Variants in KIRREL3 observed in about 807,000 individuals in gnomAD.
The protein encoded by KIRREL3 is kin of IRRE-like protein 3.
Under a neutral mutation model 89.7 loss-of-function variants are expected in KIRREL3, and 36 were observed. That is an observed-to-expected ratio of 0.40 (90% CI 0.31 to 0.53). The LOEUF is 0.53. Ranked by LOEUF, KIRREL3 falls within the 20% of genes least tolerant of loss-of-function variation. The pLI, the probability that KIRREL3 is intolerant of heterozygous loss-of-function variation, is 0.49. For missense variants in KIRREL3, 864 were observed against 1,056.6 expected (o/e 0.82, Z 2.53); for synonymous variants, 445 against 441.4 (o/e 1.01, Z -0.10).
rs1198645721 is a variant in KIRREL3, at chr11:126,876,058, G to A, written c.55+124397C>T. 6.6e-6 allele frequency among the ~76,000 whole-genome samples: 1 copy of A among 152,198 alleles called. No homozygotes were observed. Among genetic ancestry groups the A allele is most frequent in the Non-Finnish European group, 1.5e-5 (1 of 68,032 alleles). On this transcript the variant is annotated intron_variant, in intron 1 of 16. Transcript: ENST00000525144. This position sits in a 1 kb window ranked among gnomAD's most constrained non-coding sequence, Gnocchi z 4.1. ...GGCTTTGGTGATGGGAGGGGCACAG[G>A]AGGGGTATTGGAGGTGACCTATTGT... is the stretch of plus-strand genomic sequence containing the variant.
At chr11:126,582,915 G>A (rs1941634647) in intron 1 of KIRREL3, among the ~76,000 whole-genome samples, 1 of 89,250 alleles carries the variant, frequency 1.1e-5, no homozygotes, top group Admixed American at 1.3e-4. Flanking sequence ...CTTAATATTG[G>A]TATGAGGGCT....
rs377498432 is a variant in KIRREL3 at position 126,501,779 on chromosome 11, G to C, written c.433+19536C>G. 6.6e-6 allele frequency among the ~76,000 whole-genome samples: 1 copy of C among 152,052 alleles called. No homozygotes were observed. The highest frequency in any genetic ancestry group is 1.5e-5 in the Non-Finnish European group (1 of 68,024). On this transcript the variant is annotated intron_variant, in intron 4 of 16. Transcript: ENST00000525144. The surrounding 1 kb of genome is among the most constrained non-coding windows in gnomAD (Gnocchi z 5.8). ...CTGCCTGCCTTTGCCTCCTTTTCCC[G>C]CTTCTGTTCCTAGTTCAACCCCCAC...
At position 126,526,849 on chromosome 11, in the gene KIRREL3, C is replaced by A. The variant is rs1958777770; in HGVS notation, c.134-162G>T. ...TCTGGTAGAGCTTCCTAACTGGTCTCAGCCCCAGCTCTATTCCCTCCTATG... is the reference window on the plus strand; with the variant it reads ...TCTGGTAGAGCTTCCTAACTGGTCTAAGCCCCAGCTCTATTCCCTCCTATG... On this transcript the variant is annotated intron_variant, in intron 2 of 16. Coordinates refer to ENST00000525144, the MANE Select transcript of KIRREL3 (RefSeq NM_032531.4). This position sits in a 1 kb window ranked among gnomAD's most constrained non-coding sequence, Gnocchi z 5.7. 6.6e-6 allele frequency among the ~76,000 whole-genome samples: 1 copy of A among 152,204 alleles called. No individual in the cohort carries two copies. The highest frequency in any genetic ancestry group is 1.5e-5 in the Non-Finnish European group (1 of 68,032).
intron 1 of KIRREL3, among the ~76,000 whole-genome samples, chr11:126,810,989 G>A (rs1951366637): frequency 6.6e-6 from 1 of 152,138 alleles, no homozygotes; most frequent in Admixed American, 6.5e-5. Flanking sequence ...ACGTTAATGA[G>A]CCTTGCAGCC....
At chr11:126,921,793 CTTCCTAT>C in intron 1 of KIRREL3, among the ~76,000 whole-genome samples, 3 of 151,046 alleles carry the variant, frequency 2.0e-5, no homozygotes, top group East Asian at 2.0e-4. Context: ...ATCTATCTAT[CTTCCTAT>C]CTATCCATCC....
Position 126,672,526 on chromosome 11 carries a change from A to G in KIRREL3, c.56-109614T>C, listed in dbSNP as rs532787580. ...ATATGACACTTGAAAAGGCAAAACT[A>G]TAGAAAAAGAGCAGTAGTTGCCAGG... On this transcript the variant is annotated intron_variant, in intron 1 of 16. Coordinates refer to ENST00000525144, the MANE Select transcript of KIRREL3 (RefSeq NM_032531.4). Among the ~76,000 whole-genome samples, 171 of 152,352 alleles carry G rather than the reference A, an allele frequency of 1.1e-3. 3 individuals are homozygous for G. The South Asian group carries it at 0.026, about 23-fold the overall frequency.
intron 1 of KIRREL3, among the ~76,000 whole-genome samples, chr11:126,675,625 G>A (rs1208279807): frequency 6.6e-6 from 1 of 152,208 alleles, no homozygotes; most frequent in Admixed American, 6.5e-5. Context: ...AATGCCTACT[G>A]TCGTTGCCAC....
At chr11:126,928,172 G>A (rs1947798784) in intron 1 of KIRREL3, among the ~76,000 whole-genome samples, 3 of 152,212 alleles carry the variant, frequency 2.0e-5, no homozygotes, top group Admixed American at 2.0e-4. Flanking sequence ...CTCTGCATAG[G>A]AGCTTCACTG....
Position 126,877,269 on chromosome 11 carries a change from C to G in KIRREL3, c.55+123186G>C, listed in dbSNP as rs530044089. ...CAGCCAGCCAAGAGCTGCATTACAT[C>G]TGGAACTGGGCTCAGATAGCAAAAG... On this transcript the variant is annotated intron_variant, in intron 1 of 16. Transcript: ENST00000525144. This position sits in a 1 kb window ranked among gnomAD's most constrained non-coding sequence, Gnocchi z 4.9. 5.9e-5 allele frequency among the ~76,000 whole-genome samples: 9 copies of G among 152,232 alleles called. No homozygotes were observed. Among genetic ancestry groups the G allele is most frequent in the Non-Finnish European group, 1.2e-4 (8 of 68,040 alleles).
In KIRREL3 at chr11:126,682,834, G is replaced by T. The variant is rs751065058; in HGVS notation, c.56-119922C>A. ...CGCTCACCTCCTGCTGTGTAGTCTG[G>T]TTCCTAACAGGCTGAGGACCGGTAC... On this transcript the variant is annotated intron_variant, in intron 1 of 16. Transcript: ENST00000525144. The surrounding 1 kb of genome is among the most constrained non-coding windows in gnomAD (Gnocchi z 4.8). Among the ~76,000 whole-genome samples, 82 of 152,206 alleles carry T rather than the reference G, an allele frequency of 5.4e-4. No homozygotes were observed. Among genetic ancestry groups the T allele is most frequent in the Non-Finnish European group, 9.3e-4 (63 of 68,004 alleles).
In KIRREL3 at chr11:126,461,573, C is replaced by T. The variant is rs185846701; in HGVS notation, c.742+1584G>A. 4.8e-3 allele frequency among the ~76,000 whole-genome samples: 722 copies of T among 151,796 alleles called. 24 individuals are homozygous for T. The highest frequency in any genetic ancestry group is 5.0e-3 in the East Asian group (26 of 5,170). On this transcript the variant is annotated intron_variant, in intron 6 of 16. Coordinates refer to ENST00000525144, the MANE Select transcript of KIRREL3 (RefSeq NM_032531.4). Reference sequence around the variant, plus strand: ...GGTGGCAAGACAGTGAAGATAAAGTCCCCCCCGCCCCAAGAACTCAGCCTT... The same window carrying T: ...GGTGGCAAGACAGTGAAGATAAAGTTCCCCCCGCCCCAAGAACTCAGCCTT...
At chr11:126,853,912 G>A (rs768202569) in intron 1 of KIRREL3, among the ~76,000 whole-genome samples, 12 of 152,098 alleles carry the variant, frequency 7.9e-5, no homozygotes, top group African/African-American at 2.2e-4. Flanking sequence ...GGGGCAGAAC[G>A]TATTAATAAA....
chr11:126,567,732 C>A (rs759247949), intron 1 of KIRREL3, among the ~76,000 whole-genome samples: 19 of 150,204 alleles, frequency 1.3e-4, no homozygotes, highest in Non-Finnish European at 2.5e-4. Flanking sequence ...TGCCTGGCAC[C>A]CAGCGGCAAG....
chr11:126,536,078 C>T (rs1434535744), intron 2 of KIRREL3, among the ~76,000 whole-genome samples: 1 of 152,060 alleles, frequency 6.6e-6, no homozygotes, highest in East Asian at 1.9e-4. Flanking sequence ...CACCATTGCA[C>T]TCCAGCCTAG....
rs1373844737 is a variant in KIRREL3, at chr11:126,840,505, G to A, written c.55+159950C>T. ...TTATAAACTTCCTCCAAAAGGCCAC[G>A]CTTTCCCACCTACACATATTAGTCC... On this transcript the variant is annotated intron_variant, in intron 1 of 16. Transcript: ENST00000525144. Among the ~76,000 whole-genome samples, 3 of 152,114 alleles carry A rather than the reference G, an allele frequency of 2.0e-5. No homozygotes were observed. In the East Asian group the frequency reaches 5.8e-4, roughly 29 times the overall value.
At position 126,663,099 on chromosome 11, in the gene KIRREL3, A is replaced by C. The variant is rs150495211; in HGVS notation, c.56-100187T>G. Among the ~76,000 whole-genome samples the C allele has an allele frequency of 2.0e-3, 298 of 151,158 alleles. 1 individual carries two copies. The highest frequency in any genetic ancestry group is 6.9e-3 in the African/African-American group (286 of 41,256). Reference sequence around the variant, plus strand: ...AGCAAGAAGAGTGCAGGGCATCTCCACACGTGGGACTGATGAGCATGGGGA... The same window carrying C: ...AGCAAGAAGAGTGCAGGGCATCTCCCCACGTGGGACTGATGAGCATGGGGA... On this transcript the variant is annotated intron_variant, in intron 1 of 16. Coordinates refer to ENST00000525144, the MANE Select transcript of KIRREL3 (RefSeq NM_032531.4).
rs1431786820 is a variant in KIRREL3, at chr11:126,763,512, CTGGGGCCACA to C, written c.56-200610_56-200601del. ...CCTTCTTTTGAGAATTCTAGTCTCT[CTGGGGCCACA>C]TGACACCCGAACACACAGAATCTGT... On this transcript the variant is annotated intron_variant, in intron 1 of 16. Coordinates refer to ENST00000525144, the MANE Select transcript of KIRREL3 (RefSeq NM_032531.4). The surrounding 1 kb of genome is among the most constrained non-coding windows in gnomAD (Gnocchi z 4.7). Among the ~76,000 whole-genome samples the C allele has an allele frequency of 6.6e-6, 1 of 152,122 alleles. No individual in the cohort carries two copies. Among genetic ancestry groups the C allele is most frequent in the Non-Finnish European group, 1.5e-5 (1 of 68,022 alleles).
In KIRREL3 at chr11:126,708,334, A is replaced by AC. The variant is rs1406762603; in HGVS notation, c.56-145423dup. ...ATACTGGAATAACAATGTACTCCTC[A>AC]CCAAGGCATTTAGCCAGAAAAGTGC... On this transcript the variant is annotated intron_variant, in intron 1 of 16. Transcript: ENST00000525144. This position sits in a 1 kb window ranked among gnomAD's most constrained non-coding sequence, Gnocchi z 5.7. 3.0e-5 allele frequency among the ~76,000 whole-genome samples: 1 copy of AC among 33,056 alleles called. No homozygotes were observed. The highest frequency in any genetic ancestry group is 2.9e-4 in the Admixed American group (1 of 3,412). 21.7% of individuals were successfully genotyped at this position (33,056 alleles called of 152,430 possible). A position where few individuals can be genotyped will look rare whatever the true frequency, so the allele number is the denominator to read the frequency against.
chr11:126,793,300 GT>G (rs138821588), intron 1 of KIRREL3, among the ~76,000 whole-genome samples: 103 of 152,334 alleles, frequency 6.8e-4, no homozygotes, highest in African/African-American at 2.4e-3. Context: ...TCTTATTTTA[GT>G]TTTGCTAATG....
Sources: gnomAD v4.1 joint callset for allele counts (sites outside exome capture counted in the v4.1 genomes callset) on GRCh38, gnomAD v4.1.1 for gene constraint, Gnocchi (gnomAD v3.1) non-coding constraint, MANE v1.5 for transcripts, NCBI Gene and HGNC (gene_info 2026-07-23, HGNC 2026-07-21) for gene names.